The following FMN2 variants were observed in gnomAD, a reference collection of about 807,000 sequenced individuals.
FMN2 encodes the protein formin-2.
A neutral mutation model predicts 142.3 loss-of-function variants in FMN2; 51 were observed. The ratio of observed to expected loss-of-function variants is 0.36; its 90% CI spans 0.29 to 0.45. The LOEUF is 0.45. Ranked by LOEUF, FMN2 falls within the 20% of genes least tolerant of loss-of-function variation. FMN2 has a pLI of 1.00. For synonymous variants in FMN2, 882 were observed against 869.8 expected, an observed-to-expected ratio of 1.01 and a Z score of -0.25; for missense variants, 1,936 against 2,122.8, an observed-to-expected ratio of 0.91 and a Z score of 1.73.
chr1:240,329,280 G>T lies in FMN2; in HGVS notation c.4308-59G>T, dbSNP rs150237674. On this transcript the variant is annotated intron_variant, in intron 9 of 17. Transcript: ENST00000319653. The stretch of plus-strand genomic sequence containing the variant: ...GCATACTTGTTGTGAATGAGATGAG[G>T]ATAAACATCTGTTTATGTGAATTAT... The T allele has an allele frequency of 9.9e-4, 1,573 of 1,590,312 alleles. 8 individuals carry two copies. The African/African-American group carries it at 0.012, about 12-fold the overall frequency.
At chr1:240,442,168 T>C (rs1055159838) in intron 16 of FMN2, among the ~76,000 whole-genome samples, 5 of 152,166 alleles carry the variant, frequency 3.3e-5, no homozygotes, top group Admixed American at 3.3e-4. Context: ...TCTCACCCTT[T>C]CTTCCCAACC....
intron 15 of FMN2, among the ~76,000 whole-genome samples, chr1:240,395,143 A>T (rs1673732608): frequency 1.3e-5 from 2 of 152,140 alleles, no homozygotes; most frequent in African/African-American, 4.8e-5. Flanking sequence ...TGTGCTGTAT[A>T]AATGGAACAA....
chr1:240,363,990 GA>G (rs35880426), intron 14 of FMN2, among the ~76,000 whole-genome samples: 31 of 151,598 alleles, frequency 2.0e-4, no homozygotes, highest in Non-Finnish European at 4.3e-4. Context: ...GCACTAGTGG[GA>G]AAAAAAAGGT....
intron 12 of FMN2, 42 bp from the exon 13 acceptor site, chr1:240,334,067 T>C (rs370102721): frequency 6.4e-7 from 1 of 1,572,540 alleles, no homozygotes; most frequent in Non-Finnish European, 8.6e-7. Context: ...TTTATATTGA[T>C]AACCAATTTC....
rs115681620 is a variant in FMN2, at chr1:240,230,942, G to A, written c.4065+19707G>A. 4.0e-3 allele frequency among the ~76,000 whole-genome samples: 530 copies of A among 131,640 alleles called. 132 individuals are homozygous for A. Among genetic ancestry groups the A allele is most frequent in the African/African-American group, 0.012 (356 of 30,836 alleles). The allele number at this position is 131,640 out of a possible 152,430, so 86.4% of individuals were successfully genotyped here. ...CAGCTTTTCTTCAATGGCCTAGATC[G>A]GCACAAGGCTCCATAGAAATTGGCT... is the stretch of plus-strand genomic sequence containing the variant. On this transcript the variant is annotated intron_variant, in intron 6 of 17. Transcript: ENST00000319653.
At chr1:240,107,944 T>C (rs1361248179) in intron 1 of FMN2, among the ~76,000 whole-genome samples, 1 of 152,184 alleles carries the variant, frequency 6.6e-6, no homozygotes, top group Non-Finnish European at 1.5e-5. Context: ...CATAAATGCA[T>C]CAAACGTGCA....
At chr1:240,158,485 T>C (rs1664128239) in intron 2 of FMN2, among the ~76,000 whole-genome samples, 1 of 152,290 alleles carries the variant, frequency 6.6e-6, no homozygotes, top group East Asian at 1.9e-4. Context: ...CATTTAGACT[T>C]CAGTTAATTT....
At chr1:240,408,060 G>A (rs900612446) in intron 15 of FMN2, among the ~76,000 whole-genome samples, 7 of 151,960 alleles carry the variant, frequency 4.6e-5, no homozygotes, top group Admixed American at 6.6e-5. Flanking sequence ...AGTTGACTAG[G>A]GGTTATTTTT....
At chr1:240,226,264 T>C (rs1172603093) in intron 6 of FMN2, among the ~76,000 whole-genome samples, 1 of 152,146 alleles carries the variant, frequency 6.6e-6, no homozygotes, top group Non-Finnish European at 1.5e-5. Context: ...TGTTGAAAGC[T>C]AACAATTAAA....
chr1:240,092,809 G>A lies in FMN2; in HGVS notation c.700G>A (p.Ala234Thr). Reference sequence around the variant, plus strand: ...GCTCCAGGGCGCCGAGGAGCCTGCAGCGCCCCCCACTGCCGTCTCCCCTCA... The same window carrying A: ...GCTCCAGGGCGCCGAGGAGCCTGCAACGCCCCCCACTGCCGTCTCCCCTCA... Reference protein sequence around the residue: ...QQLQGAEEPAAPPTAVSPQPG... With the variant: ...QQLQGAEEPATPPTAVSPQPG... The change falls in exon 1 of 18, where the codon GCG becomes ACG. Residue 234 changes from alanine to threonine, a missense_variant. Coordinates refer to ENST00000319653, the MANE Select transcript of FMN2 (RefSeq NM_020066.5). 6.3e-7 allele frequency: 1 copy of A among 1,583,012 alleles called. No homozygotes were observed. Among genetic ancestry groups the A allele is most frequent in the Non-Finnish European group, 8.6e-7 (1 of 1,165,430 alleles).
At chr1:240,148,259 CAG>C (rs1196375290) in intron 2 of FMN2, among the ~76,000 whole-genome samples, 2 of 143,978 alleles carry the variant, frequency 1.4e-5, no homozygotes, top group South Asian at 2.3e-4. Context: ...CAGAGATAGA[CAG>C]AGAGACAGAG....
At chr1:240,306,287 A>T (rs962886976) in intron 8 of FMN2, among the ~76,000 whole-genome samples, 2 of 152,028 alleles carry the variant, frequency 1.3e-5, no homozygotes, top group African/African-American at 4.8e-5. Flanking sequence ...ATCCATTTTA[A>T]TTTTAGATTC....
In FMN2 at chr1:240,299,738, G is replaced by A. The variant is rs765881750; in HGVS notation, c.4215+4855G>A. Among the ~76,000 whole-genome samples the A allele has an allele frequency of 5.9e-5, 9 of 152,002 alleles. No homozygotes were observed. In the East Asian group the frequency reaches 1.7e-3, roughly 29 times the overall value. On this transcript the variant is annotated intron_variant, in intron 8 of 17. Coordinates refer to ENST00000319653, the MANE Select transcript of FMN2 (RefSeq NM_020066.5). Reference sequence around the variant, plus strand: ...GTTACCTTAGATCTTTTGAGTGTCCGCTGGACTGAAAAGAAGCTTGAGCTT... The same window carrying A: ...GTTACCTTAGATCTTTTGAGTGTCCACTGGACTGAAAAGAAGCTTGAGCTT...
chr1:240,279,248 A>G (rs1267048200), intron 7 of FMN2, among the ~76,000 whole-genome samples: 1 of 152,146 alleles, frequency 6.6e-6, no homozygotes, highest in African/African-American at 2.4e-5. Context: ...GACAATAAAA[A>G]TGGTTTTCTT....
chr1:240,154,231 C>A (rs1172307629), intron 2 of FMN2, among the ~76,000 whole-genome samples: 1 of 151,402 alleles, frequency 6.6e-6, no homozygotes, highest in Non-Finnish European at 1.5e-5. Context: ...ACAGACAATG[C>A]ATCAAAGAGA....
At chr1:240,454,817 C>A (rs9442204) in intron 16 of FMN2, among the ~76,000 whole-genome samples, 2 of 151,880 alleles carry the variant, frequency 1.3e-5, no homozygotes, top group East Asian at 3.9e-4. Context: ...GGAGCCTGAA[C>A]TTGAGGCTAC....
intron 6 of FMN2, among the ~76,000 whole-genome samples, chr1:240,229,583 T>A (rs1667467888): frequency 6.6e-6 from 1 of 152,212 alleles, no homozygotes; most frequent in Non-Finnish European, 1.5e-5. Flanking sequence ...TCTGTGGAAT[T>A]GTTTCATGTG....
chr1:240,119,473 G>A (rs909120223), intron 1 of FMN2, among the ~76,000 whole-genome samples: 2 of 152,134 alleles, frequency 1.3e-5, no homozygotes, highest in Non-Finnish European at 2.9e-5. Flanking sequence ...GGTTATTTTT[G>A]CCCCCTGCCC....
intron 15 of FMN2, among the ~76,000 whole-genome samples, chr1:240,431,426 A>ACACG (rs1675172387): frequency 1.4e-5 from 2 of 147,162 alleles, no homozygotes; most frequent in African/African-American, 5.0e-5. Flanking sequence ...ATATATATAC[A>ACACG]TATATATACA....
Sources: allele counts gnomAD v4.1 joint callset (sites outside exome capture counted in the v4.1 genomes callset), GRCh38; gene constraint gnomAD v4.1.1; transcripts MANE v1.5; gene names NCBI Gene and HGNC (gene_info 2026-07-23, HGNC 2026-07-21).